The following SHANK2 variants were observed in gnomAD, a reference collection of about 807,000 sequenced individuals.
SHANK2 encodes the protein SH3 and multiple ankyrin repeat domains 2.
A neutral mutation model predicts 133.7 loss-of-function variants in SHANK2; 43 were observed. The ratio of observed to expected loss-of-function variants is 0.32; its 90% CI spans 0.25 to 0.41. The LOEUF (loss-of-function observed/expected upper bound fraction) is 0.41. Ranked by LOEUF, SHANK2 falls within the 10% of genes least tolerant of loss-of-function variation. The probability of loss-of-function intolerance (pLI) is 1.00; values close to 1 mark genes in which losing one functional copy is unlikely to be tolerated. For missense variants in SHANK2, 1,994 were observed against 2,235.8 expected, an observed-to-expected ratio of 0.89 and a Z score of 2.18; for synonymous variants, 1,017 against 952.8, an observed-to-expected ratio of 1.07 and a Z score of -1.24.
intron 17 of SHANK2, among the ~76,000 whole-genome samples, chr11:70,645,522 C>T (rs181468777): frequency 1.4e-3 from 217 of 152,284 alleles, no homozygotes; most frequent in Non-Finnish European, 2.4e-3. Context: ...AAATGTCTTC[C>T]CGGAAAAGAT....
intron 11 of SHANK2, among the ~76,000 whole-genome samples, chr11:70,822,382 G>C (rs1280894943): frequency 6.6e-6 from 1 of 152,270 alleles, no homozygotes; most frequent in Non-Finnish European, 1.5e-5. Flanking sequence ...TTAGGACACA[G>C]GTGGCAGTGA....
intron 8 of SHANK2, among the ~76,000 whole-genome samples, chr11:71,091,448 G>C (rs192949360): frequency 4.7e-4 from 72 of 152,318 alleles, no homozygotes; most frequent in African/African-American, 1.5e-3. Context: ...TGGCAGAGGA[G>C]AACACAAGGT....
intron 17 of SHANK2, among the ~76,000 whole-genome samples, chr11:70,562,110 G>C (rs1171699524): frequency 6.6e-6 from 1 of 152,168 alleles, no homozygotes; most frequent in Non-Finnish European, 1.5e-5. Flanking sequence ...ATTTTCTAGA[G>C]ATCTTTCTCT....
At chr11:70,586,262 TG>T (rs1236558695) in intron 17 of SHANK2, among the ~76,000 whole-genome samples, 1 of 151,860 alleles carries the variant, frequency 6.6e-6, no homozygotes. Flanking sequence ...AGCTGTGAGG[TG>T]GGCAGTGGGG....
At chr11:70,585,607 C>T (rs1346519613) in intron 17 of SHANK2, among the ~76,000 whole-genome samples, 1 of 152,026 alleles carries the variant, frequency 6.6e-6, no homozygotes, top group Non-Finnish European at 1.5e-5. Flanking sequence ...ATGTATTCAC[C>T]CATCCATCCA....
chr11:70,596,746 G>A lies in SHANK2; in HGVS notation c.2061+63082C>T, dbSNP rs527552556. On this transcript the variant is annotated intron_variant, in intron 17 of 25. Coordinates refer to ENST00000601538, the MANE Select transcript of SHANK2 (RefSeq NM_012309.5). Reference sequence around the variant, plus strand: ...TAGACCACAACAGTCCACTCTCTCCGGGGTCACGGGCACTTTGGTGGGGTA... The same window carrying A: ...TAGACCACAACAGTCCACTCTCTCCAGGGTCACGGGCACTTTGGTGGGGTA... Among the ~76,000 whole-genome samples the A allele has an allele frequency of 5.9e-5, 9 of 152,262 alleles. No individual in the cohort carries two copies. The South Asian group carries it at 1.5e-3, about 25-fold the overall frequency.
At chr11:70,722,097 G>A (rs1351409488) in intron 14 of SHANK2, among the ~76,000 whole-genome samples, 2 of 152,220 alleles carry the variant, frequency 1.3e-5, no homozygotes, top group African/African-American at 4.8e-5. Context: ...GCTTTGTCAT[G>A]CCATCCTCTC....
Position 70,809,688 on chromosome 11 carries a change from C to T in SHANK2, c.1494-2517G>A, listed in dbSNP as rs144227228. ...GTAGGGAGCAGATTGGGCCTGAATA[C>T]TCAGTCTGTCTGCCTGACTCCAAAT... On this transcript the variant is annotated intron_variant, in intron 12 of 25. Coordinates refer to ENST00000601538, the MANE Select transcript of SHANK2 (RefSeq NM_012309.5). Among the ~76,000 whole-genome samples, 13 of 152,326 alleles carry T rather than the reference C, an allele frequency of 8.5e-5. No individual in the cohort carries two copies. The East Asian group carries it at 2.3e-3, about 27-fold the overall frequency.
intron 10 of SHANK2, among the ~76,000 whole-genome samples, chr11:71,055,789 G>C (rs1188897584): frequency 7.0e-6 from 1 of 142,972 alleles, no homozygotes; most frequent in Non-Finnish European, 1.5e-5. Context: ...GGGAGGGGGA[G>C]GGGGAGTGGG....
At chr11:71,136,901 T>C (rs1952450016) in intron 3 of SHANK2, among the ~76,000 whole-genome samples, 1 of 152,224 alleles carries the variant, frequency 6.6e-6, no homozygotes, top group South Asian at 2.1e-4. Context: ...TTGCTCTTGT[T>C]GCCCAGGCTA....
intron 13 of SHANK2, among the ~76,000 whole-genome samples, chr11:70,805,323 A>C (rs1395024693): frequency 6.6e-6 from 1 of 152,192 alleles, no homozygotes; most frequent in Middle Eastern, 3.2e-3. Context: ...CTCTGGAGAG[A>C]CAGTGAGCTT....
At chr11:70,776,901 C>T (rs1437774597) in intron 14 of SHANK2, among the ~76,000 whole-genome samples, 1 of 150,704 alleles carries the variant, frequency 6.6e-6, no homozygotes, top group African/African-American at 2.4e-5. Context: ...ACCCACTCAC[C>T]CATCCTCCCA....
At chr11:70,761,537 C>A (rs1946997857) in intron 14 of SHANK2, among the ~76,000 whole-genome samples, 1 of 152,242 alleles carries the variant, frequency 6.6e-6, no homozygotes, top group Admixed American at 6.5e-5. Context: ...GAGTGACGCA[C>A]CTCTATGGGT....
intron 11 of SHANK2, among the ~76,000 whole-genome samples, chr11:70,839,178 A>T (rs1555060894): frequency 5.9e-5 from 9 of 152,250 alleles, no homozygotes. Context: ...AAAGTGGGGG[A>T]GAAGTCATCC....
At chr11:70,736,499 C>A (rs1480215298) in intron 14 of SHANK2, among the ~76,000 whole-genome samples, 2 of 152,116 alleles carry the variant, frequency 1.3e-5, no homozygotes, top group African/African-American at 4.8e-5. Flanking sequence ...AGACACAGAG[C>A]AGAAGGCCAT....
rs1219720459 is a variant in SHANK2 at position 70,820,679 on chromosome 11, G to A, written c.1178C>T (p.Pro393Leu). 1.5e-6 allele frequency: 1 copy of A among 675,996 alleles called. No homozygotes were observed. The highest frequency in any genetic ancestry group is 2.7e-6 in the Non-Finnish European group (1 of 365,394). The allele number at this position is 675,996 out of a possible 1,614,324, so 41.9% of individuals were successfully genotyped here. The change falls in exon 12 of 26, where the codon CCC becomes CTC. Residue 393 changes from proline to leucine, a missense_variant. Physicochemically the swap from Pro to Leu is moderately conservative, Grantham distance 98. Transcript: ENST00000601538. ...GGAGTACGCCGGGGCCTCTCGGAAGGGCACTGGGGAGAAGGACATGGAGAG... is the reference window on the plus strand; with the variant it reads ...GGAGTACGCCGGGGCCTCTCGGAAGAGCACTGGGGAGAAGGACATGGAGAG... ...IKNHKETDIV[P>L]FREAPAYSNR...
intron 17 of SHANK2, among the ~76,000 whole-genome samples, chr11:70,631,495 G>A (rs76680586): frequency 6.4e-4 from 98 of 152,128 alleles, no homozygotes; most frequent in African/African-American, 2.3e-3. Context: ...CTCCATCATG[G>A]AGGAGGTCTC....
At chr11:70,655,074 A>G (rs970028562) in intron 17 of SHANK2, among the ~76,000 whole-genome samples, 1 of 152,086 alleles carries the variant, frequency 6.6e-6, no homozygotes, top group African/African-American at 2.4e-5. Context: ...TTTTTAAAAA[A>G]TTATTCCCTT....
In SHANK2 at chr11:70,882,102, C is replaced by T. The variant is rs767629936; in HGVS notation, c.1174+14399G>A. On this transcript the variant is annotated intron_variant, in intron 11 of 25. Coordinates refer to ENST00000601538, the MANE Select transcript of SHANK2 (RefSeq NM_012309.5). This position sits in a 1 kb window ranked among gnomAD's most constrained non-coding sequence, Gnocchi z 4.2. The stretch of plus-strand genomic sequence containing the variant: ...TTCCCCAAGCCCCCAGGGGGACACA[C>T]TGAGGACCAGGGTTAAAGGGTGACT... Among the ~76,000 whole-genome samples the T allele has an allele frequency of 6.6e-6, 1 of 152,056 alleles. No homozygotes were observed. Among genetic ancestry groups the T allele is most frequent in the African/African-American group, 2.4e-5 (1 of 41,374 alleles).
Sources: gnomAD v4.1 joint callset for allele counts (sites outside exome capture counted in the v4.1 genomes callset) on GRCh38, gnomAD v4.1.1 for gene constraint, Gnocchi (gnomAD v3.1) non-coding constraint, MANE v1.5 for transcripts, NCBI Gene and HGNC (gene_info 2026-07-23, HGNC 2026-07-21) for gene names.